The following SH2B2 variants were observed in gnomAD, a reference collection of about 807,000 sequenced individuals.
The protein encoded by SH2B2 is SH2B adaptor protein 2.
Under a neutral mutation model 35.7 loss-of-function variants are expected in SH2B2, and 37 were observed. That is an observed-to-expected ratio of 1.04 (90% CI 0.80 to 1.36). SH2B2 has a LOEUF of 1.36. Ranked by LOEUF, SH2B2 falls within the 40% of genes most tolerant of loss-of-function variation. The probability of loss-of-function intolerance (pLI) is 0.00; values close to 1 mark genes in which losing one functional copy is unlikely to be tolerated. For synonymous variants in SH2B2, 383 were observed against 376.4 expected, an observed-to-expected ratio of 1.02 and a Z score of -0.20; for missense variants, 852 against 817.7, an observed-to-expected ratio of 1.04 and a Z score of -0.51.
At chr7:102,306,190 G>A (rs968046635) in intron 2 of SH2B2, among the ~76,000 whole-genome samples, 5 of 152,078 alleles carry the variant, frequency 3.3e-5, no homozygotes, top group African/African-American at 7.2e-5. Context: ...GGGTTCAAGC[G>A]ATTCTCCTGC....
intron 4 of SH2B2, among the ~76,000 whole-genome samples, chr7:102,309,800 A>AGGCAGAGGAAGATGGGAGAG (rs1793547938): frequency 6.6e-6 from 1 of 152,216 alleles, no homozygotes; most frequent in Non-Finnish European, 1.5e-5. Flanking sequence ...GACCAATGCC[A>AGGCAGAGGAAGATGGGAGAG]GGCAGAGGAA....
intron 1 of SH2B2, among the ~76,000 whole-genome samples, chr7:102,298,914 C>CTTTTTTTTTTTTTTT (rs1182008499): frequency 2.1e-5 from 2 of 93,386 alleles, no homozygotes; most frequent in African/African-American, 9.0e-5. Flanking sequence ...TCTTTCTTCT[C>CTTTTTTTTTTTTTTT]TTTTTTTTTT....
At chr7:102,317,911 GA>G (rs1306770795) in intron 7 of SH2B2, among the ~76,000 whole-genome samples, 1 of 152,098 alleles carries the variant, frequency 6.6e-6, no homozygotes, top group African/African-American at 2.4e-5. Context: ...AGCAGGGGAG[GA>G]GGAGCTGGGC....
chr7:102,289,646 G>T (rs1345342349), intron 1 of SH2B2, among the ~76,000 whole-genome samples: 4 of 152,124 alleles, frequency 2.6e-5, no homozygotes, highest in African/African-American at 9.7e-5. Context: ...GCCACCAGAG[G>T]TCTCAGGAGG....
Position 102,320,352 on chromosome 7 carries a change from G to T in SH2B2, c.1417G>T (p.Gly473Cys), listed in dbSNP as rs371436019. The change falls in exon 8 of 9, where the codon GGC (glycine) becomes TGC (cysteine). Residue 473 changes from glycine to cysteine, a missense_variant. Gly to Cys is a radical substitution (Grantham distance 159). Coordinates refer to ENST00000444095, the MANE Select transcript of SH2B2 (RefSeq NM_001359228.2). ...KAKHLRLSLN[G>C]HGQCHVQHLW... ...ACAGCACCTGCGCCTGTCCCTGAACGGCCACGGCCAGTGTCACGTACAGCA... is the reference window on the plus strand; with the variant it reads ...ACAGCACCTGCGCCTGTCCCTGAACTGCCACGGCCAGTGTCACGTACAGCA... 1.3e-5 allele frequency: 21 copies of T among 1,611,988 alleles called. No individual in the cohort carries two copies. The highest frequency in any genetic ancestry group is 1.8e-5 in the Non-Finnish European group (21 of 1,179,842).
chr7:102,302,979 A>C (rs1793249046), intron 2 of SH2B2, among the ~76,000 whole-genome samples: 1 of 152,124 alleles, frequency 6.6e-6, no homozygotes, highest in Non-Finnish European at 1.5e-5. Flanking sequence ...CATGCCTGTA[A>C]TCCCAGCACT....
In SH2B2 at chr7:102,308,810, C is replaced by T. The variant is rs1252766798; in HGVS notation, c.832-5C>T. On this transcript the variant is annotated splice_region_variant and splice_polypyrimidine_tract_variant and intron_variant, in intron 3 of 8. Transcript: ENST00000444095. ...TTCTGCACTCCCGGCCACCTTCCTC[C>T]CCAGGTAGAGAATGGAGCCGAATAC... 1.2e-6 allele frequency: 2 copies of T among 1,612,676 alleles called. No individual in the cohort carries two copies. The highest frequency in any genetic ancestry group is 1.7e-6 in the Non-Finnish European group (2 of 1,179,052).
intron 2 of SH2B2, among the ~76,000 whole-genome samples, chr7:102,303,670 C>T (rs896840565): frequency 2.0e-5 from 3 of 152,182 alleles, no homozygotes; most frequent in Admixed American, 2.0e-4. Context: ...ACCCCTAAGC[C>T]CGACTCCACT....
intron 4 of SH2B2, chr7:102,309,355 CTTTTT>C (rs35826295): frequency 3.3e-3 from 596 of 182,356 alleles, no homozygotes; most frequent in Middle Eastern, 9.9e-3. Flanking sequence ...CTCTCTCTCT[CTTTTT>C]TTTTTTTTTT....
chr7:102,314,474 A>T (rs1241401196), intron 5 of SH2B2, 38 bp from the exon 6 acceptor site: 2 of 398,604 alleles, frequency 5.0e-6, no homozygotes, highest in Non-Finnish European at 8.8e-6. Flanking sequence ...CAGGGTGGAC[A>T]GATAAAGATA....
intron 4 of SH2B2, 31 bp from the exon 5 acceptor site, chr7:102,314,305 A>G: frequency 2.5e-6 from 1 of 398,678 alleles, no homozygotes; most frequent in South Asian, 1.3e-4. Flanking sequence ...GTCCCACGGC[A>G]GGACATGGTT....
chr7:102,311,175 G>A (rs1793606099), intron 4 of SH2B2, among the ~76,000 whole-genome samples: 3 of 151,904 alleles, frequency 2.0e-5, no homozygotes, highest in Admixed American at 2.0e-4. Flanking sequence ...CTGCAGCCTC[G>A]ACCTCCTGGG....
At chr7:102,292,851 A>T (rs926606877) in intron 1 of SH2B2, among the ~76,000 whole-genome samples, 1 of 152,046 alleles carries the variant, frequency 6.6e-6, no homozygotes, top group Non-Finnish European at 1.5e-5. Context: ...CTGAGGACGG[A>T]GCTAAGTGAG....
intron 2 of SH2B2, among the ~76,000 whole-genome samples, chr7:102,301,481 C>T (rs1316101520): frequency 6.6e-6 from 1 of 152,004 alleles, no homozygotes; most frequent in Admixed American, 6.6e-5. Flanking sequence ...TCTTCCTTTG[C>T]GAGGAAGGGT....
At position 102,300,663 on chromosome 7, in the gene SH2B2, T is replaced by C. The variant is rs1793120253; in HGVS notation, c.113T>C (p.Phe38Ser). 1.3e-6 allele frequency: 2 copies of C among 1,549,064 alleles called. No individual in the cohort carries two copies. The highest frequency in any genetic ancestry group is 2.0e-5 in the Admixed American group (1 of 50,610). Residue 38 changes from phenylalanine (F) to serine (S), a missense_variant, in exon 2 of 9, where the codon TTT (phenylalanine) becomes TCT (serine). This residue lies in a region of SH2B2 where 294 missense variants were observed against 286.6 expected (regional missense o/e 1.03). Transcript: ENST00000444095. The stretch of plus-strand genomic sequence containing the variant: ...CATGCGCAGGCGGCCGCCGTGGACT[T>C]TGCGCACAAGTTCTGCCGTTTCCTG... Reference protein sequence around the residue: ...ELHAQAAAVDFAHKFCRFLRD... With the variant: ...ELHAQAAAVDSAHKFCRFLRD...
rs527575653 is a variant in SH2B2 at position 102,318,023 on chromosome 7, ACAGT to A, written c.1395+632_1395+635del. ...GGGAGGGAGAATTGTGGAGGGGAAGACAGTCAGGAAGGCGATCCCAACAGCACCC... is the reference window on the plus strand; with the variant it reads ...GGGAGGGAGAATTGTGGAGGGGAAGACAGGAAGGCGATCCCAACAGCACCC... On this transcript the variant is annotated intron_variant, in intron 7 of 8. Coordinates refer to ENST00000444095, the MANE Select transcript of SH2B2 (RefSeq NM_001359228.2). Among the ~76,000 whole-genome samples, 10 of 152,274 alleles carry A rather than the reference ACAGT, an allele frequency of 6.6e-5. No individual in the cohort carries two copies. The South Asian group carries it at 1.0e-3, about 16-fold the overall frequency.
intron 2 of SH2B2, 58 bp from the exon 3 acceptor site, chr7:102,306,663 G>T: frequency 7.9e-7 from 1 of 1,273,136 alleles, no homozygotes; most frequent in Middle Eastern, 1.8e-4. Context: ...GCGGGGAGGG[G>T]ATGGAAAGGG....
chr7:102,309,885 A>T (rs973709558), intron 4 of SH2B2, among the ~76,000 whole-genome samples: 1 of 152,212 alleles, frequency 6.6e-6, no homozygotes, highest in Non-Finnish European at 1.5e-5. Flanking sequence ...TGCATCTGTT[A>T]TCCCAGCTAC....
rs1235018119 is a variant in SH2B2 at position 102,306,906 on chromosome 7, G to A, written c.831+84G>A. ...AGGTGCTACAGCTCCCTAGGGGAGC[G>A]AGGGGAAGGAGCCTAAGGCAGGACA... On this transcript the variant is annotated intron_variant, in intron 3 of 8. Coordinates refer to ENST00000444095, the MANE Select transcript of SH2B2 (RefSeq NM_001359228.2). 18 of 1,090,646 alleles carry A rather than the reference G, an allele frequency of 1.7e-5. 1 individual carries two copies. The highest frequency in any genetic ancestry group is 9.4e-5 in the South Asian group (7 of 74,318). The allele number at this position is 1,090,646 out of a possible 1,614,324, so 67.6% of individuals were successfully genotyped here.
Sources: gnomAD v4.1 joint callset for allele counts (sites outside exome capture counted in the v4.1 genomes callset) on GRCh38, gnomAD v4.1.1 for gene constraint, gnomAD v4.1.1 regional missense constraint, MANE v1.5 for transcripts, NCBI Gene and HGNC (gene_info 2026-07-23, HGNC 2026-07-21) for gene names.